The following CDH13 variants were observed in gnomAD, a reference collection of about 807,000 sequenced individuals.
The protein encoded by CDH13 is cadherin 13, also known as cadherin-13.
In CDH13, 24 loss-of-function variants were observed where a neutral mutation model predicts 63.8. The observed-to-expected ratio is 0.38, with a 90% CI of 0.27 to 0.53. The LOEUF is 0.53. Ranked by LOEUF, CDH13 falls within the 20% of genes least tolerant of loss-of-function variation. The pLI, the probability that CDH13 is intolerant of heterozygous loss-of-function variation, is 0.85. For missense variants in CDH13, 1,049 were observed against 903.1 expected, an observed-to-expected ratio of 1.16 and a Z score of -2.07; for synonymous variants, 503 against 355.3, an observed-to-expected ratio of 1.42 and a Z score of -4.67.
chr16:83,014,319 TAAAAA>T (rs34322579), intron 2 of CDH13, among the ~76,000 whole-genome samples: 6 of 67,708 alleles, frequency 8.9e-5, no homozygotes, highest in African/African-American at 2.6e-4. Context: ...CCCAAATCGA[TAAAAA>T]AAAAAAAAAA....
At chr16:83,786,591 T>G (rs201037363) in intron 13 of CDH13, among the ~76,000 whole-genome samples, 13,706 of 56,940 alleles carry the variant, frequency 0.24, 1,783 homozygotes, top group African/African-American at 0.45. Context: ...TGTTTACTTA[T>G]TTATTTATTT....
intron 1 of CDH13, chr16:82,826,589 G>A (rs1442972387): frequency 6.6e-6 from 1 of 152,098 alleles, no homozygotes; most frequent in Non-Finnish European, 1.5e-5. Context: ...CTCATCTCAG[G>A]AATAGAGTCC....
chr16:83,539,496 G>A (rs2075259935), intron 7 of CDH13, among the ~76,000 whole-genome samples: 2 of 152,202 alleles, frequency 1.3e-5, no homozygotes, highest in South Asian at 4.1e-4. Flanking sequence ...TAGTCCACAT[G>A]AAAGTGAAAG....
At chr16:82,852,961 T>C (rs1262593209) in intron 1 of CDH13, among the ~76,000 whole-genome samples, 1 of 151,978 alleles carries the variant, frequency 6.6e-6, no homozygotes, top group South Asian at 2.1e-4. Flanking sequence ...AATCAGTACC[T>C]GTCAGGATAA....
intron 1 of CDH13, among the ~76,000 whole-genome samples, chr16:82,669,185 T>G (rs1310664957): frequency 6.6e-6 from 1 of 152,188 alleles, no homozygotes. Flanking sequence ...GGAAACCTCT[T>G]GAGGACACCA....
At chr16:83,718,762 C>A (rs972961563) in intron 10 of CDH13, among the ~76,000 whole-genome samples, 1 of 152,178 alleles carries the variant, frequency 6.6e-6, no homozygotes, top group Non-Finnish European at 1.5e-5. Context: ...CTAGCTTCTG[C>A]AGCTATTTCA....
chr16:83,557,316 C>T (rs2075624517), intron 7 of CDH13, among the ~76,000 whole-genome samples: 1 of 152,090 alleles, frequency 6.6e-6, no homozygotes, highest in Non-Finnish European at 1.5e-5. Flanking sequence ...TTTCATTATA[C>T]ATTAGAATGT....
chr16:83,003,385 TG>T (rs1263653849), intron 2 of CDH13, among the ~76,000 whole-genome samples: 5 of 151,442 alleles, frequency 3.3e-5, no homozygotes, highest in Non-Finnish European at 7.4e-5. Context: ...CTGGCTTAAG[TG>T]GGTTTTTTTT....
rs142079469 is a variant in CDH13, at chr16:82,909,439, A to C, written c.157+50966A>C. Among the ~76,000 whole-genome samples the C allele has an allele frequency of 3.3e-5, 5 of 152,256 alleles. No homozygotes were observed. The East Asian group carries it at 9.6e-4, about 29-fold the overall frequency. On this transcript the variant is annotated intron_variant, in intron 2 of 13. Transcript: ENST00000567109. ...GTTTTAACATTTTAAGTTGTTTTTA[A>C]CTATTCTTTGGTACGGACATTGTAT...
intron 8 of CDH13, among the ~76,000 whole-genome samples, chr16:83,608,969 G>A (rs766878068): frequency 3.3e-5 from 5 of 152,020 alleles, no homozygotes; most frequent in Non-Finnish European, 7.4e-5. Flanking sequence ...AAAGGTATAG[G>A]CTTTCTTCTA....
At chr16:83,137,188 G>A (rs2151668130) in intron 4 of CDH13, among the ~76,000 whole-genome samples, 1 of 152,312 alleles carries the variant, frequency 6.6e-6, no homozygotes, top group South Asian at 2.1e-4. Context: ...TAGCAGTGAG[G>A]ATCATTTTTT....
chr16:83,703,576 TA>T (rs1906567004), intron 10 of CDH13, among the ~76,000 whole-genome samples: 1 of 152,234 alleles, frequency 6.6e-6, no homozygotes, highest in South Asian at 2.1e-4. Context: ...AGACTTTGAA[TA>T]AAATGTCTAA....
rs889490 is a variant in CDH13 at position 83,748,314 on chromosome 16, T to C, written c.1681+64T>C. The C allele has an allele frequency of 0.1, 149,973 of 1,464,850 alleles. 11,181 individuals carry two copies. Among genetic ancestry groups the C allele is most frequent in the African/African-American group, 0.37 (26,638 of 71,168 alleles). The allele number at this position is 1,464,850 out of a possible 1,614,324, so 90.7% of individuals were successfully genotyped here. A position where few individuals can be genotyped will look rare whatever the true frequency, so the allele number is the denominator to read the frequency against. On this transcript the variant is annotated intron_variant, in intron 11 of 13. Transcript: ENST00000567109. ...TGCTACAAATATACTTTTACATTTT[T>C]AAATTTCTTCTGATACACCCAGGGG... is the stretch of plus-strand genomic sequence containing the variant.
chr16:83,685,247 A>C (rs753556595), intron 10 of CDH13, among the ~76,000 whole-genome samples: 7 of 152,180 alleles, frequency 4.6e-5, no homozygotes, highest in Non-Finnish European at 1.0e-4. Context: ...ATTGTTTTTT[A>C]AACCAAGGTT....
intron 10 of CDH13, among the ~76,000 whole-genome samples, chr16:83,728,330 T>TGTGTGC (rs2150947859): frequency 7.9e-6 from 1 of 126,260 alleles, no homozygotes; most frequent in Non-Finnish European, 1.7e-5. Context: ...TGTGTGTATG[T>TGTGTGC]GTATGTGTGT....
At chr16:83,769,645 CAGAAATA>C (rs1470643954) in intron 11 of CDH13, among the ~76,000 whole-genome samples, 5 of 152,132 alleles carry the variant, frequency 3.3e-5, no homozygotes, top group African/African-American at 1.2e-4. Flanking sequence ...CCTTCCTGGG[CAGAAATA>C]AGTTGTAAAA....
At chr16:83,073,354 T>TGTGTGTGTGTGAGAGAGA (rs1311548254) in intron 3 of CDH13, among the ~76,000 whole-genome samples, 1 of 139,864 alleles carries the variant, frequency 7.1e-6, no homozygotes, top group East Asian at 2.1e-4. Flanking sequence ...TGTGTGTGTG[T>TGTGTGTGTGTGAGAGAGA]GAGAGAGAGA....
At chr16:82,849,189 A>G (rs191263370) in intron 1 of CDH13, among the ~76,000 whole-genome samples, 15 of 152,166 alleles carry the variant, frequency 9.9e-5, no homozygotes, top group African/African-American at 3.4e-4. Flanking sequence ...TAAGTAAAGA[A>G]ACGATCCCTA....
chr16:83,063,472 C>A (rs1399361579), intron 3 of CDH13, among the ~76,000 whole-genome samples: 1 of 152,086 alleles, frequency 6.6e-6, no homozygotes, highest in Non-Finnish European at 1.5e-5. Flanking sequence ...TTCAAACCAC[C>A]CCGCAGAGAG....
Sources: gnomAD v4.1 joint callset for allele counts (sites outside exome capture counted in the v4.1 genomes callset) on GRCh38, gnomAD v4.1.1 for gene constraint, MANE v1.5 for transcripts, NCBI Gene and HGNC (gene_info 2026-07-23, HGNC 2026-07-21) for gene names.